The following UNC5C variants were observed in gnomAD, a reference collection of about 807,000 sequenced individuals.
UNC5C encodes the protein unc-5 netrin receptor C, also known as netrin receptor UNC5C.
Under a neutral mutation model 99.8 loss-of-function variants are expected in UNC5C, and 47 were observed. The observed-to-expected ratio is 0.47, with a 90% CI of 0.37 to 0.60. UNC5C has a LOEUF of 0.60. Among genes scored for constraint, UNC5C ranks in the 20% least tolerant of loss-of-function variants. UNC5C has a pLI of 0.00. For synonymous variants in UNC5C, 487 were observed against 452.2 expected, an observed-to-expected ratio of 1.08 and a Z score of -0.98; for missense variants, 1,062 against 1,165.9, an observed-to-expected ratio of 0.91 and a Z score of 1.30.
chr4:95,299,087 C>T (rs1291148957), intron 3 of UNC5C, among the ~76,000 whole-genome samples: 1 of 152,102 alleles, frequency 6.6e-6, no homozygotes, highest in African/African-American at 2.4e-5. Flanking sequence ...AAGCCCTAAC[C>T]CTCAGTTCCT....
At chr4:95,485,989 T>A (rs1373191836) in intron 1 of UNC5C, among the ~76,000 whole-genome samples, 1 of 151,670 alleles carries the variant, frequency 6.6e-6, no homozygotes, top group Non-Finnish European at 1.5e-5. Context: ...TTTATAAATT[T>A]ATGTTGGAAA....
At chr4:95,446,021 T>G (rs145898683) in intron 1 of UNC5C, among the ~76,000 whole-genome samples, 146 of 152,192 alleles carry the variant, frequency 9.6e-4, no homozygotes, top group Middle Eastern at 3.4e-3. Flanking sequence ...GTGGAGTGGT[T>G]TTTATAAAGG....
At chr4:95,191,369 A>G (rs1181434212) in intron 12 of UNC5C, among the ~76,000 whole-genome samples, 3 of 152,130 alleles carry the variant, frequency 2.0e-5, no homozygotes, top group Admixed American at 2.0e-4. Flanking sequence ...TTTGAAGTAT[A>G]TCTATTAGAG....
At chr4:95,234,366 C>T (rs141882024) in intron 7 of UNC5C, among the ~76,000 whole-genome samples, 46 of 142,520 alleles carry the variant, frequency 3.2e-4, no homozygotes, top group African/African-American at 1.0e-3. Flanking sequence ...GCAACAAACA[C>T]GCCAAATCGC....
chr4:95,517,963 G>A (rs1722257937), intron 1 of UNC5C, among the ~76,000 whole-genome samples: 1 of 152,086 alleles, frequency 6.6e-6, no homozygotes, highest in African/African-American at 2.4e-5. Context: ...TGCAAGTGAC[G>A]TGAGTGACGT....
At chr4:95,350,230 G>A (rs1743935772) in intron 1 of UNC5C, among the ~76,000 whole-genome samples, 1 of 152,138 alleles carries the variant, frequency 6.6e-6, no homozygotes, top group South Asian at 2.1e-4. Context: ...GTTCACGCCT[G>A]TAATTCCAGC....
chr4:95,538,559 C>T (rs1722836043), intron 1 of UNC5C, among the ~76,000 whole-genome samples: 1 of 152,106 alleles, frequency 6.6e-6, no homozygotes, highest in African/African-American at 2.4e-5. Flanking sequence ...ATTTATTTTG[C>T]TGTTCTTAGC....
intron 1 of UNC5C, among the ~76,000 whole-genome samples, chr4:95,430,515 G>T (rs559970825): frequency 5.9e-4 from 90 of 152,122 alleles, no homozygotes; most frequent in Non-Finnish European, 1.2e-3. Context: ...AAACACAAAT[G>T]GTGGAATCTT....
chr4:95,303,399 G>A (rs1741945424), intron 2 of UNC5C, among the ~76,000 whole-genome samples: 1 of 152,224 alleles, frequency 6.6e-6, no homozygotes, highest in African/African-American at 2.4e-5. Flanking sequence ...GTTTCCCCCA[G>A]GCACTGTGGC....
intron 1 of UNC5C, among the ~76,000 whole-genome samples, chr4:95,480,297 A>G (rs1721098753): frequency 6.7e-6 from 1 of 148,812 alleles, no homozygotes; most frequent in Non-Finnish European, 1.5e-5. Flanking sequence ...GTGTGTATAT[A>G]TAGATAGCCT....
intron 1 of UNC5C, among the ~76,000 whole-genome samples, chr4:95,350,134 CT>C (rs1418910768): frequency 6.6e-6 from 1 of 152,104 alleles, no homozygotes; most frequent in Non-Finnish European, 1.5e-5. Flanking sequence ...CTTTAACGTG[CT>C]TAATTTTAGG....
intron 2 of UNC5C, among the ~76,000 whole-genome samples, chr4:95,324,031 A>G (rs2149414443): frequency 6.6e-6 from 1 of 151,622 alleles, no homozygotes; most frequent in South Asian, 2.1e-4. Flanking sequence ...GTGAGACTCC[A>G]TCTCAAAAAA....
chr4:95,365,559 C>T (rs1290815329), intron 1 of UNC5C, among the ~76,000 whole-genome samples: 1 of 151,498 alleles, frequency 6.6e-6, no homozygotes, highest in Non-Finnish European at 1.5e-5. Context: ...TTTTATAATT[C>T]TGTTTAAATA....
intron 3 of UNC5C, among the ~76,000 whole-genome samples, chr4:95,282,125 C>T (rs930050239): frequency 2.6e-5 from 4 of 152,044 alleles, no homozygotes; most frequent in Non-Finnish European, 5.9e-5. Flanking sequence ...CAGGGAGAGA[C>T]TGCAGCATAA....
intron 4 of UNC5C, among the ~76,000 whole-genome samples, chr4:95,270,217 G>A (rs1284729715): frequency 6.6e-6 from 1 of 152,136 alleles, no homozygotes; most frequent in Non-Finnish European, 1.5e-5. Flanking sequence ...TATGCTGGAT[G>A]TTCTCTCTTG....
chr4:95,172,544 A>G (rs1736165440), intron 14 of UNC5C, among the ~76,000 whole-genome samples: 1 of 151,946 alleles, frequency 6.6e-6, no homozygotes, highest in Admixed American at 6.6e-5. Flanking sequence ...AAGATCAGAT[A>G]GTTGTAGATA....
In UNC5C at chr4:95,444,329, TG is replaced by T. The variant is rs1747031664; in HGVS notation, c.124+104404del. Reference sequence around the variant, plus strand: ...AAGTAAATAGGCAGCTGGAGTGCATTGCCTTTTTTTTTTTTTTTTGAGACGG... The same window carrying T: ...AAGTAAATAGGCAGCTGGAGTGCATTCCTTTTTTTTTTTTTTTTGAGACGG... On this transcript the variant is annotated intron_variant, in intron 1 of 15. Coordinates refer to ENST00000453304, the MANE Select transcript of UNC5C (RefSeq NM_003728.4). 2.9e-5 allele frequency among the ~76,000 whole-genome samples: 4 copies of T among 138,024 alleles called. No individual in the cohort carries two copies. In the Admixed American group the frequency reaches 3.2e-4, roughly 11 times the overall value. 90.5% of individuals were successfully genotyped at this position (138,024 alleles called of 152,430 possible).
intron 1 of UNC5C, among the ~76,000 whole-genome samples, chr4:95,415,616 T>G (rs975531450): frequency 2.0e-5 from 3 of 152,176 alleles, no homozygotes; most frequent in African/African-American, 7.2e-5. Context: ...CTGTCTGGTT[T>G]TCGTAAGTTT....
intron 1 of UNC5C, among the ~76,000 whole-genome samples, chr4:95,404,063 G>A (rs1745770364): frequency 6.6e-6 from 1 of 151,826 alleles, no homozygotes. Flanking sequence ...CATTTTTTTT[G>A]AAAAGAATCG....
Sources: allele counts gnomAD v4.1 joint callset (sites outside exome capture counted in the v4.1 genomes callset), GRCh38; gene constraint gnomAD v4.1.1; transcripts MANE v1.5; gene names NCBI Gene and HGNC (gene_info 2026-07-23, HGNC 2026-07-21).